ZNF609: variants seen among roughly 807,000 people sequenced by gnomAD.
ZNF609 encodes the protein zinc finger protein 609.
In ZNF609, 11 loss-of-function variants were observed where a neutral mutation model predicts 109.5. The ratio of observed to expected loss-of-function variants is 0.10; its 90% CI spans 0.06 to 0.17. The LOEUF (loss-of-function observed/expected upper bound fraction) is 0.17. Ranked by LOEUF, ZNF609 falls within the 10% of genes least tolerant of loss-of-function variation. The pLI is 1.00. For missense variants in ZNF609, 1,559 were observed against 1,772.4 expected (o/e 0.88, Z 2.16); for synonymous variants, 646 against 662.0 (o/e 0.98, Z 0.37).
At chr15:64,631,395 T>C (rs1199280233) in intron 3 of ZNF609, 10 of 730,888 alleles carry the variant, frequency 1.4e-5, no homozygotes, top group South Asian at 8.1e-5. Flanking sequence ...TGGGGGACAC[T>C]GTAGACTCTT....
In ZNF609 at chr15:64,577,057, C is replaced by CACATAAATAT. The variant is rs1567019119; in HGVS notation, c.748-45769_748-45768insCATAAATATA. ...ATGTATATATACACATAAATATATA[C>CACATAAATAT]ATATATGTATATATACACAAATATA... On this transcript the variant is annotated intron_variant, in intron 2 of 9. Coordinates refer to ENST00000326648, the MANE Select transcript of ZNF609 (RefSeq NM_015042.2). Among the ~76,000 whole-genome samples, 147 of 35,808 alleles carry CACATAAATAT rather than the reference C, an allele frequency of 4.1e-3. 3 individuals carry two copies. The highest frequency in any genetic ancestry group is 0.013 in the African/African-American group (133 of 10,628). The allele number at this position is 35,808 out of a possible 152,430, so 23.5% of individuals were successfully genotyped here. A position where few individuals can be genotyped will look rare whatever the true frequency, so the allele number is the denominator to read the frequency against.
chr15:64,480,394 A>G (rs911136323), intron 1 of ZNF609, among the ~76,000 whole-genome samples: 1 of 151,870 alleles, frequency 6.6e-6, no homozygotes, highest in African/African-American at 2.4e-5. Flanking sequence ...AGCTGGGCGT[A>G]GTGGCGGGTG....
chr15:64,546,344 A>C (rs1894359370), intron 2 of ZNF609, among the ~76,000 whole-genome samples: 1 of 152,170 alleles, frequency 6.6e-6, no homozygotes, highest in Non-Finnish European at 1.5e-5. Context: ...TCCCAGGCTC[A>C]AGTGATCCTC....
intron 2 of ZNF609, among the ~76,000 whole-genome samples, chr15:64,610,205 A>G (rs1895694766): frequency 6.6e-6 from 1 of 152,060 alleles, no homozygotes; most frequent in Admixed American, 6.6e-5. Flanking sequence ...GAGCAAACCA[A>G]CGCAGAAACA....
At position 64,674,000 on chromosome 15, in the gene ZNF609, T is replaced by C; in HGVS notation, c.1146T>C (p.Pro382=). 2 of 1,614,132 alleles carry C rather than the reference T, an allele frequency of 1.2e-6. No homozygotes were observed. Among genetic ancestry groups the C allele is most frequent in the Non-Finnish European group, 1.7e-6 (2 of 1,180,022 alleles). ...GCATGCGTCCCAACAGTAATACACC[T>C]GTCAATGAGACAGCCACAGCCTCTG... is the stretch of plus-strand genomic sequence containing the variant. ...GKRMRPNSNT[P]VNETATASDS... is the part of the protein sequence containing the mutation. The change falls in exon 5 of 10, where the codon CCT becomes CCC. Residue 382 remains proline (P), a synonymous_variant. Transcript: ENST00000326648.
At chr15:64,680,414 C>A in intron 7 of ZNF609, 54 bp downstream of exon 7, 1 of 1,593,468 alleles carries the variant, frequency 6.3e-7, no homozygotes, top group Non-Finnish European at 8.6e-7. Context: ...AAGGCCAGAT[C>A]CAGGGTCTGG....
chr15:64,468,386 A>G (rs992975135), intron 1 of ZNF609, among the ~76,000 whole-genome samples: 3 of 150,738 alleles, frequency 2.0e-5, no homozygotes, highest in Non-Finnish European at 4.4e-5. Context: ...GTGCAATCAC[A>G]GCTCATTCCA....
chr15:64,602,088 C>T (rs1475975246), intron 2 of ZNF609, among the ~76,000 whole-genome samples: 2 of 152,286 alleles, frequency 1.3e-5, no homozygotes, highest in Admixed American at 6.5e-5. Context: ...AGTAGGCATA[C>T]AATAAATTCT....
chr15:64,641,219 C>CTTTTTTTTTTTTT (rs34007985), intron 3 of ZNF609, among the ~76,000 whole-genome samples: 3,339 of 69,532 alleles, frequency 0.048, 755 homozygotes, highest in African/African-American at 0.14. Context: ...CTTGTGCTTT[C>CTTTTTTTTTTTTT]TTTTTTTTTT....
chr15:64,653,625 G>A (rs111955229), intron 3 of ZNF609, among the ~76,000 whole-genome samples: 7,515 of 152,124 alleles, frequency 0.049, 607 homozygotes, highest in African/African-American at 0.17. Context: ...CACCCTGGAC[G>A]ACAGAGCTAG....
chr15:64,543,255 CTTTTTT>C (rs77646116), intron 2 of ZNF609, among the ~76,000 whole-genome samples: 1 of 113,316 alleles, frequency 8.8e-6, no homozygotes, highest in African/African-American at 3.4e-5. Flanking sequence ...TTTGTTGTTG[CTTTTTT>C]TTTTTTTTTT....
chr15:64,586,482 C>T (rs1469079540), intron 2 of ZNF609, among the ~76,000 whole-genome samples: 2 of 152,132 alleles, frequency 1.3e-5, no homozygotes, highest in African/African-American at 4.8e-5. Context: ...GTATTAGCAC[C>T]TGAGCTCTGC....
chr15:64,475,983 G>T (rs1399802561), intron 1 of ZNF609, among the ~76,000 whole-genome samples: 1 of 152,180 alleles, frequency 6.6e-6, no homozygotes, highest in African/African-American at 2.4e-5. Flanking sequence ...AATGCCTTGA[G>T]AAATTGTTCA....
intron 2 of ZNF609, among the ~76,000 whole-genome samples, chr15:64,610,198 C>G (rs1895694689): frequency 6.6e-6 from 1 of 151,898 alleles, no homozygotes; most frequent in Admixed American, 6.6e-5. Context: ...AAAAATTGAG[C>G]AAACCAACGC....
chr15:64,576,527 T>TA (rs1894955688), intron 2 of ZNF609, among the ~76,000 whole-genome samples: 1 of 151,988 alleles, frequency 6.6e-6, no homozygotes, highest in African/African-American at 2.4e-5. Flanking sequence ...GCAATATCTT[T>TA]AAAAAATCTA....
At chr15:64,524,500 GTTGCAATGAGGCAAGA>G (rs990277278) in intron 2 of ZNF609, among the ~76,000 whole-genome samples, 1 of 151,004 alleles carries the variant, frequency 6.6e-6, no homozygotes, top group African/African-American at 2.4e-5. Context: ...GGAGGTGGAG[GTTGCAATGAGGCAAGA>G]TTGCGTCATT....
intron 1 of ZNF609, among the ~76,000 whole-genome samples, chr15:64,494,970 TTATTAA>T (rs2059017252): frequency 6.6e-6 from 1 of 152,188 alleles, no homozygotes; most frequent in Non-Finnish European, 1.5e-5. Flanking sequence ...TCCTTTCAGT[TTATTAA>T]TATCACACTT....
At chr15:64,613,046 G>T (rs1190251667) in intron 2 of ZNF609, among the ~76,000 whole-genome samples, 1 of 152,026 alleles carries the variant, frequency 6.6e-6, no homozygotes, top group African/African-American at 2.4e-5. Context: ...CTGAGGCCAG[G>T]CATGGTGGGT....
At chr15:64,480,219 A>AC (rs1315511012) in intron 1 of ZNF609, among the ~76,000 whole-genome samples, 1 of 151,906 alleles carries the variant, frequency 6.6e-6, no homozygotes, top group Non-Finnish European at 1.5e-5. Context: ...AGCCTGGGCA[A>AC]CAGAGCAAGA....
Sources: gnomAD v4.1 joint callset for allele counts (sites outside exome capture counted in the v4.1 genomes callset) on GRCh38, gnomAD v4.1.1 for gene constraint, MANE v1.5 for transcripts, NCBI Gene and HGNC (gene_info 2026-07-23, HGNC 2026-07-21) for gene names.